RPS6KC1: variants seen among roughly 807,000 people sequenced by gnomAD.
RPS6KC1 encodes the protein inactive ribosomal protein S6 kinase delta-1.
RPS6KC1 carries 54 observed loss-of-function variants against 103.8 expected under a neutral mutation model. That is an observed-to-expected ratio of 0.52 (90% confidence interval 0.42 to 0.65). The LOEUF (loss-of-function observed/expected upper bound fraction) is 0.65. Ranked by LOEUF, RPS6KC1 falls within the 30% of genes least tolerant of loss-of-function variation. The pLI is 0.00. For missense variants in RPS6KC1, 1,151 were observed against 1,253.8 expected (o/e 0.92, Z 1.24); for synonymous variants, 439 against 438.7 (o/e 1.00, Z -0.01).
the RPS6KC1 span, among the ~76,000 whole-genome samples, chr1:213,813,163 A>C: frequency 6.6e-6 from 1 of 151,972 alleles, no homozygotes; most frequent in South Asian, 2.1e-4. Context: ...AGGCAGGAGA[A>C]TCACTTGAAC....
chr1:213,725,667 A>G, the RPS6KC1 span, among the ~76,000 whole-genome samples: 51 of 152,308 alleles, frequency 3.3e-4, no homozygotes, highest in African/African-American at 1.2e-3. Context: ...TTAACTAAAA[A>G]TCCCACACTG....
the RPS6KC1 span, among the ~76,000 whole-genome samples, chr1:213,707,331 G>T: frequency 6.6e-6 from 1 of 152,004 alleles, no homozygotes; most frequent in Non-Finnish European, 1.5e-5. Flanking sequence ...ATGTTTATTG[G>T]CCGCATAAAT....
chr1:213,847,955 T>C, the RPS6KC1 span, among the ~76,000 whole-genome samples: 2 of 151,976 alleles, frequency 1.3e-5, no homozygotes, highest in African/African-American at 4.8e-5. Flanking sequence ...ATTCTCTCTG[T>C]TTCTCTCATA....
chr1:213,638,735 A>G, the RPS6KC1 span, among the ~76,000 whole-genome samples: 1 of 152,116 alleles, frequency 6.6e-6, no homozygotes, highest in African/African-American at 2.4e-5. Context: ...CTTTACCAAT[A>G]CCATGTGTTT....
At chr1:213,329,639 C>T in the RPS6KC1 span, among the ~76,000 whole-genome samples, 2 of 152,064 alleles carry the variant, frequency 1.3e-5, no homozygotes, top group African/African-American at 2.4e-5. Flanking sequence ...TGAACTTTCC[C>T]ACTCCCCGGC....
the RPS6KC1 span, among the ~76,000 whole-genome samples, chr1:213,694,648 G>A: frequency 1.3e-5 from 2 of 152,016 alleles, no homozygotes; most frequent in Non-Finnish European, 2.9e-5. Context: ...ACCCAGTCCC[G>A]GTGCAAATTC....
At chr1:213,069,261 TA>T (rs2148446875) in intron 1 of RPS6KC1, among the ~76,000 whole-genome samples, 1 of 152,306 alleles carries the variant, frequency 6.6e-6, no homozygotes, top group South Asian at 2.1e-4. Context: ...TGACAATTAC[TA>T]CAAGATTTCA....
chr1:213,634,838 G>A, the RPS6KC1 span, among the ~76,000 whole-genome samples: 2 of 151,544 alleles, frequency 1.3e-5, no homozygotes, highest in South Asian at 4.2e-4. Context: ...CCGGGAGCTG[G>A]TTTTTTGAAA....
At chr1:213,176,761 T>C (rs2091901352) in intron 8 of RPS6KC1, 4 of 246,062 alleles carry the variant, frequency 1.6e-5, no homozygotes, top group Admixed American at 1.4e-4. Flanking sequence ...AGAAGTGTTA[T>C]AGCAGAGTAA....
At chr1:213,135,004 A>G (rs2086110243) in intron 6 of RPS6KC1, among the ~76,000 whole-genome samples, 1 of 152,106 alleles carries the variant, frequency 6.6e-6, no homozygotes, top group South Asian at 2.1e-4. Flanking sequence ...CTTGTTCCTG[A>G]TATCTCAGGG....
At chr1:213,401,479 C>T in the RPS6KC1 span, among the ~76,000 whole-genome samples, 1 of 152,212 alleles carries the variant, frequency 6.6e-6, no homozygotes, top group Non-Finnish European at 1.5e-5. Flanking sequence ...GGTGGGCCCC[C>T]TGGCCGGTGG....
At chr1:213,489,149 A>G in the RPS6KC1 span, among the ~76,000 whole-genome samples, 8 of 152,346 alleles carry the variant, frequency 5.3e-5, no homozygotes, top group Middle Eastern at 6.8e-3. Flanking sequence ...AGAATAATGC[A>G]GTGGGAAATA....
chr1:213,404,556 C>G, the RPS6KC1 span, among the ~76,000 whole-genome samples: 2 of 152,188 alleles, frequency 1.3e-5, no homozygotes, highest in Non-Finnish European at 2.9e-5. Context: ...ATGGGACATT[C>G]AAGACACTGT....
At chr1:213,639,934 C>A in the RPS6KC1 span, among the ~76,000 whole-genome samples, 1 of 150,952 alleles carries the variant, frequency 6.6e-6, no homozygotes. Context: ...GAAAGTATTC[C>A]TCTTCTATTT....
chr1:213,607,622 A>G, the RPS6KC1 span, among the ~76,000 whole-genome samples: 1 of 150,848 alleles, frequency 6.6e-6, no homozygotes, highest in Non-Finnish European at 1.5e-5. Context: ...AGCACATGGC[A>G]GGGGAAAACA....
chr1:213,147,615 G>C (rs147759095), intron 6 of RPS6KC1, among the ~76,000 whole-genome samples: 4 of 152,288 alleles, frequency 2.6e-5, no homozygotes, highest in Middle Eastern at 3.4e-3. Flanking sequence ...AGCATAATTT[G>C]AAGTCAGGTT....
chr1:213,550,898 C>G, the RPS6KC1 span, among the ~76,000 whole-genome samples: 1 of 152,152 alleles, frequency 6.6e-6, no homozygotes, highest in Non-Finnish European at 1.5e-5. Context: ...TATGGCTTTC[C>G]CCACGACAGT....
the RPS6KC1 span, among the ~76,000 whole-genome samples, chr1:213,774,124 C>T: frequency 2.8e-4 from 43 of 152,216 alleles, no homozygotes; most frequent in Admixed American, 7.9e-4. Context: ...TGGGTTTATC[C>T]TGCCCTGTTT....
At chr1:213,290,320 T>C in the RPS6KC1 span, among the ~76,000 whole-genome samples, 4 of 152,208 alleles carry the variant, frequency 2.6e-5, no homozygotes. Flanking sequence ...TTTACTGTTC[T>C]CTCCTGAGAT....
Sources: allele counts gnomAD v4.1 joint callset (sites outside exome capture counted in the v4.1 genomes callset), GRCh38; gene constraint gnomAD v4.1.1; transcripts MANE v1.5; gene names NCBI Gene and HGNC (gene_info 2026-07-23, HGNC 2026-07-21).